The following CEACAM8 variants were observed in gnomAD, a reference collection of about 807,000 sequenced individuals.
CEACAM8 encodes the protein cell adhesion molecule CEACAM8.
A neutral mutation model predicts 33.4 loss-of-function variants in CEACAM8; 31 were observed. That is an observed-to-expected ratio of 0.93 (90% CI 0.70 to 1.25). CEACAM8 has a LOEUF of 1.25. Ranked by LOEUF, CEACAM8 falls within the 50% of genes most tolerant of loss-of-function variation. CEACAM8 has a pLI of 0.00. For synonymous variants in CEACAM8, 138 were observed against 164.5 expected, an observed-to-expected ratio of 0.84 and a Z score of 1.23; for missense variants, 388 against 434.6, an observed-to-expected ratio of 0.89 and a Z score of 0.95.
chr19:42,581,923 ATATATATAT>A (rs2042266835), intron 5 of CEACAM8, among the ~76,000 whole-genome samples: 28 of 92,660 alleles, frequency 3.0e-4, no homozygotes, highest in African/African-American at 1.5e-3. Context: ...AAAAAAAAAT[ATATATATAT>A]ATATATATAT....
At chr19:42,589,356 G>GA (rs774826714) in intron 3 of CEACAM8, 101 bp downstream of exon 3, 228 of 1,558,426 alleles carry the variant, frequency 1.5e-4, no homozygotes, top group Non-Finnish European at 2.0e-4. Flanking sequence ...GGTGGGTGGG[G>GA]AATCTGCATT....
chr19:42,593,602 G>A lies in CEACAM8; in HGVS notation c.363C>T (p.Thr121=), dbSNP rs2042487384. ...NVTRNDTGSY[T]LQVIKLNLMS... is the part of the protein sequence containing the mutation. ...TAAGATTTAGCTTTATGACTTGTAG[G>A]GTGTAGGATCCTGTGTCATTTCTGG... The change falls in exon 2 of 6, where the codon ACC becomes ACT. Residue 121 remains threonine (T), a synonymous_variant. Transcript: ENST00000244336. The A allele has an allele frequency of 6.2e-7, 1 of 1,609,760 alleles. No individual in the cohort carries two copies. The highest frequency in any genetic ancestry group is 8.5e-7 in the Non-Finnish European group (1 of 1,177,586).
At chr19:42,591,483 G>T (rs2042437648) in intron 2 of CEACAM8, among the ~76,000 whole-genome samples, 1 of 152,220 alleles carries the variant, frequency 6.6e-6, no homozygotes, top group Non-Finnish European at 1.5e-5. Flanking sequence ...TGTGTGTTAT[G>T]TTAGTAAATT....
Position 42,583,230 on chromosome 19 carries a change from A to G in CEACAM8, c.*16T>C. The G allele has an allele frequency of 6.5e-7, 1 of 1,537,240 alleles. No individual in the cohort carries two copies. Among genetic ancestry groups the G allele is most frequent in the Non-Finnish European group, 9.0e-7 (1 of 1,114,624 alleles). The stretch of plus-strand genomic sequence containing the variant: ...CCTGCCAGTCTTCTTGAAATGCAGA[A>G]ACTACACCAGAGCTACTATATCAGA... On this transcript the variant is annotated 3_prime_UTR_variant, in exon 5 of 6. Transcript: ENST00000244336.
Position 42,589,010 on chromosome 19 carries a change from AG to A in CEACAM8, c.731del (p.Pro244LeufsTer10), listed in dbSNP as rs1166313204. The A allele has an allele frequency of 6.2e-7, 1 of 1,613,838 alleles. No individual in the cohort carries two copies. Among genetic ancestry groups the A allele is most frequent in the Non-Finnish European group, 8.5e-7 (1 of 1,179,842 alleles). ...LYGPDAPTIS[P>X]SDTYYHAGVN... is the part of the protein sequence containing the mutation. ...CCCCTGCATGGTAATAGGTGTCTGA[AG>A]GGGAAATGGTGGGGGCATCTGGGCC... On this transcript the variant is annotated frameshift_variant, in exon 4 of 6. Coordinates refer to ENST00000244336, the MANE Select transcript of CEACAM8 (RefSeq NM_001816.4). LOFTEE classifies it high-confidence loss of function.
chr19:42,582,045 T>C (rs1161262885), intron 5 of CEACAM8, among the ~76,000 whole-genome samples: 3 of 148,910 alleles, frequency 2.0e-5, no homozygotes, highest in Admixed American at 1.3e-4. Flanking sequence ...AATATAGGCT[T>C]GTATATGTTG....
intron 4 of CEACAM8, among the ~76,000 whole-genome samples, 196 bp from the exon 5 acceptor site, chr19:42,583,533 G>A (rs2042287811): frequency 6.6e-6 from 1 of 152,176 alleles, no homozygotes; most frequent in Non-Finnish European, 1.5e-5. Flanking sequence ...ATGTTTCTAG[G>A]TTGACGATCA....
At chr19:42,587,099 GTTTT>G (rs2042349433) in intron 4 of CEACAM8, among the ~76,000 whole-genome samples, 2 of 152,254 alleles carry the variant, frequency 1.3e-5, no homozygotes, top group Admixed American at 1.3e-4. Flanking sequence ...AACAACAAGT[GTTTT>G]TAAGGAAGTG....
intron 2 of CEACAM8, among the ~76,000 whole-genome samples, chr19:42,592,633 A>G (rs2042465730): frequency 6.6e-6 from 1 of 151,604 alleles, no homozygotes; most frequent in Non-Finnish European, 1.5e-5. Flanking sequence ...AATAAAAAGA[A>G]TTATTATTTC....
At chr19:42,594,493 T>C (rs1327984093) in intron 1 of CEACAM8, among the ~76,000 whole-genome samples, 2 of 152,210 alleles carry the variant, frequency 1.3e-5, no homozygotes, top group Non-Finnish European at 2.9e-5. Flanking sequence ...TGAAGTGTCA[T>C]CTGGTATGGT....
chr19:42,589,863 T>C (rs1338872284), intron 2 of CEACAM8, 128 bp from the exon 3 acceptor site: 1 of 1,537,744 alleles, frequency 6.5e-7, no homozygotes, highest in Non-Finnish European at 8.8e-7. Flanking sequence ...ACGGTGGGTG[T>C]GTGTGTCACA....
At position 42,584,203 on chromosome 19, in the gene CEACAM8, T is replaced by TACACACACACACAC. The variant is rs568291319; in HGVS notation, c.959-880_959-867dup. Among the ~76,000 whole-genome samples the TACACACACACACAC allele has an allele frequency of 8.7e-4, 130 of 149,128 alleles. 1 individual carries two copies. Among genetic ancestry groups the TACACACACACACAC allele is most frequent in the African/African-American group, 3.0e-3 (121 of 40,434 alleles). ...GTGTGTATTTACCTAAGATACCTTT[T>TACACACACACACAC]ACACACACACACACACACACACACA... is the stretch of plus-strand genomic sequence containing the variant. On this transcript the variant is annotated intron_variant, in intron 4 of 5. Coordinates refer to ENST00000244336, the MANE Select transcript of CEACAM8 (RefSeq NM_001816.4).
intron 4 of CEACAM8, 68 bp from the exon 5 acceptor site, chr19:42,583,405 C>A: frequency 9.9e-7 from 1 of 1,014,924 alleles, no homozygotes; most frequent in Admixed American, 1.9e-5. Flanking sequence ...ACCCCAGGAA[C>A]CAGCTCCTAG....
intron 4 of CEACAM8, 35 bp downstream of exon 4, chr19:42,588,749 A>C: frequency 6.2e-7 from 1 of 1,610,810 alleles, no homozygotes; most frequent in Non-Finnish European, 8.5e-7. Context: ...ACTCTACCAG[A>C]AAACATACTG....
chr19:42,592,027 C>T (rs1229630145), intron 2 of CEACAM8, among the ~76,000 whole-genome samples: 5 of 152,176 alleles, frequency 3.3e-5, no homozygotes, highest in African/African-American at 1.2e-4. Context: ...CTGGCTCTGA[C>T]AGTTGGGGCA....
At chr19:42,581,517 T>G (rs1178926442) in intron 5 of CEACAM8, among the ~76,000 whole-genome samples, 164 bp from the exon 6 acceptor site, 1 of 152,216 alleles carries the variant, frequency 6.6e-6, no homozygotes, top group Non-Finnish European at 1.5e-5. Flanking sequence ...GGAACACTCA[T>G]ATCGGTAACA....
chr19:42,587,517 C>T (rs140593452), intron 4 of CEACAM8, among the ~76,000 whole-genome samples: 14 of 152,218 alleles, frequency 9.2e-5, no homozygotes, highest in Admixed American at 8.5e-4. Context: ...TATATAATTC[C>T]ATTTATATAA....
At position 42,594,891 on chromosome 19, in the gene CEACAM8, G is replaced by A. The variant is rs1208132006; in HGVS notation, c.-63C>T. 1.7e-5 allele frequency: 27 copies of A among 1,545,518 alleles called. No homozygotes were observed. The highest frequency in any genetic ancestry group is 2.4e-5 in the Non-Finnish European group (27 of 1,136,186). On this transcript the variant is annotated 5_prime_UTR_variant, in exon 1 of 6. Transcript: ENST00000244336. The stretch of plus-strand genomic sequence containing the variant: ...AGCCTGGGATCCAGAAACTTTCTGA[G>A]CACGGCTGTCAGCTGTGCTGTCCTT...
chr19:42,594,839 G>A lies in CEACAM8; in HGVS notation c.-11C>T. On this transcript the variant is annotated 5_prime_UTR_variant, in exon 1 of 6. Transcript: ENST00000244336. ...TGAGATGGGCCCCATGGTCTCTGCT[G>A]CCTGCGTGTTCTCCTCTGTGGAGAT... 6.2e-7 allele frequency: 1 copy of A among 1,607,742 alleles called. No individual in the cohort carries two copies. Among genetic ancestry groups the A allele is most frequent in the Admixed American group, 1.7e-5 (1 of 59,594 alleles).
Sources: allele counts gnomAD v4.1 joint callset (sites outside exome capture counted in the v4.1 genomes callset), GRCh38; gene constraint gnomAD v4.1.1; transcripts MANE v1.5; gene names NCBI Gene and HGNC (gene_info 2026-07-23, HGNC 2026-07-21).